Variants in SAXO3 observed in about 807,000 individuals in gnomAD.
The protein encoded by SAXO3 is stabilizer of axonemal microtubules 3.
At chr19:49,020,453 C>G in the SAXO3 span, 1 of 399,194 alleles carries the variant, frequency 2.5e-6, no homozygotes, top group East Asian at 3.6e-5. Flanking sequence ...GGCAGTTGGG[C>G]CTGGATCCAG....
chr19:49,019,499 A>C, the SAXO3 span: 2 of 1,157,682 alleles, frequency 1.7e-6, no homozygotes, highest in Non-Finnish European at 2.2e-6. Flanking sequence ...GGCCTGGCCT[A>C]ATGCCCAGCC....
At chr19:49,018,482 G>A in the SAXO3 span, 3 of 469,048 alleles carry the variant, frequency 6.4e-6, no homozygotes, top group African/African-American at 4.0e-5. Context: ...CCCGGCACGC[G>A]TTGCCTGCGT....
At chr19:49,019,862 G>T in the SAXO3 span, 27 of 1,311,494 alleles carry the variant, frequency 2.1e-5, no homozygotes, top group Non-Finnish European at 2.5e-5. Context: ...CTCAAATGCA[G>T]TCCCCCGCCC....
At chr19:49,018,204 G>C in the SAXO3 span, 2 of 499,762 alleles carry the variant, frequency 4.0e-6, no homozygotes, top group Non-Finnish European at 3.1e-6. Flanking sequence ...CGCGGCACGC[G>C]GACCCGCGGT....
chr19:49,020,346 G>A, the SAXO3 span: 13 of 414,510 alleles, frequency 3.1e-5, no homozygotes, highest in Middle Eastern at 5.9e-4. Flanking sequence ...CTCCAGGCCC[G>A]GCAGGGCTGC....
At chr19:49,018,236 C>T in the SAXO3 span, 70 of 759,702 alleles carry the variant, frequency 9.2e-5, no homozygotes, top group African/African-American at 1.2e-3. Flanking sequence ...CCGGGAGGAG[C>T]GCGGACAGGG....
the SAXO3 span, chr19:49,019,299 T>TTG: frequency 4.1e-6 from 5 of 1,229,560 alleles, no homozygotes; most frequent in South Asian, 5.2e-5. Flanking sequence ...GGTTCCGCTC[T>TTG]GTCTTAAACC....
At chr19:49,019,319 T>G in the SAXO3 span, 2 of 1,185,564 alleles carry the variant, frequency 1.7e-6, no homozygotes, top group Non-Finnish European at 2.1e-6. Context: ...CGTCTTGGTG[T>G]GGCCACTGGA....
chr19:49,019,903 CT>C, the SAXO3 span: 2 of 1,464,574 alleles, frequency 1.4e-6, no homozygotes, highest in Admixed American at 2.0e-5. Flanking sequence ...ACTCCCCAAA[CT>C]TTACCTTTTC....
At chr19:49,019,743 C>T in the SAXO3 span, 7 of 1,196,798 alleles carry the variant, frequency 5.8e-6, no homozygotes, top group East Asian at 3.1e-5. Context: ...AGCCAGTGTA[C>T]TGCGCCCTCG....
the SAXO3 span, chr19:49,019,458 T>G: frequency 3.2e-6 from 4 of 1,253,850 alleles, no homozygotes; most frequent in Non-Finnish European, 4.0e-6. Flanking sequence ...TTAGGAGCCC[T>G]GAAGGTGAGT....
the SAXO3 span, chr19:49,020,371 T>C: frequency 3.5e-5 from 14 of 404,422 alleles, no homozygotes; most frequent in Admixed American, 1.3e-4. Flanking sequence ...TAGGGTCCGC[T>C]CACCTGCACC....
the SAXO3 span, chr19:49,020,342 G>A: frequency 5.8e-5 from 24 of 414,146 alleles, 1 homozygote; most frequent in South Asian, 2.2e-3. Context: ...GGGTCTCCAG[G>A]CCCGGCAGGG....
At chr19:49,019,246 G>C in the SAXO3 span, 1 of 1,331,588 alleles carries the variant, frequency 7.5e-7, no homozygotes. Context: ...TGCTGTTCAA[G>C]GAACTCAAAC....
the SAXO3 span, chr19:49,019,648 TG>T: frequency 8.0e-7 from 1 of 1,248,374 alleles, no homozygotes; most frequent in Non-Finnish European, 1.0e-6. Context: ...CCCAGACACC[TG>T]GGAAGGACCC....
At chr19:49,019,948 GTCTGCAGGC>G in the SAXO3 span, 1 of 1,505,942 alleles carries the variant, frequency 6.6e-7, no homozygotes, top group South Asian at 1.2e-5. Flanking sequence ...TCCGCGTGGG[GTCTGCAGGC>G]TCTGGGGCTC....
At chr19:49,019,967 CTGGGCTGGGCGCAGGGCCCGCCA>C in the SAXO3 span, 1 of 1,515,026 alleles carries the variant, frequency 6.6e-7, no homozygotes, top group East Asian at 2.5e-5. Flanking sequence ...CTCTGGGGCT[CTGGGCTGGGCGCAGGGCCCGCCA>C]TGGGTCTTGG....
the SAXO3 span, chr19:49,020,390 G>C: frequency 2.5e-6 from 1 of 402,672 alleles, no homozygotes; most frequent in African/African-American, 2.1e-5. Flanking sequence ...CCGTGGGCGG[G>C]GTGAAGGGTA....
the SAXO3 span, chr19:49,019,175 C>T: frequency 7.1e-7 from 1 of 1,412,840 alleles, no homozygotes; most frequent in Non-Finnish European, 9.2e-7. Context: ...CAGGGAACTT[C>T]AGCTTCCTTT....
Sources: allele counts gnomAD v4.1 joint callset, GRCh38; gene constraint gnomAD v4.1.1; transcripts MANE v1.5; gene names NCBI Gene and HGNC (gene_info 2026-07-23, HGNC 2026-07-21).